The following CDH23 variants were observed in gnomAD, a reference collection of about 807,000 sequenced individuals.
CDH23 encodes the protein cadherin related 23.
CDH23 carries 189 observed loss-of-function variants against 317.1 expected under a neutral mutation model. The observed-to-expected ratio is 0.60, with a 90% confidence interval of 0.53 to 0.67. CDH23 has a LOEUF of 0.67. CDH23 is among the 30% of genes least tolerant of loss of function. The probability of loss-of-function intolerance (pLI) is 0.00; values close to 1 mark genes in which losing one functional copy is unlikely to be tolerated. For missense variants in CDH23, 4,401 were observed against 4,592.4 expected, an observed-to-expected ratio of 0.96 and a Z score of 1.20; for synonymous variants, 1,839 against 1,876.8, an observed-to-expected ratio of 0.98 and a Z score of 0.52.
chr10:71,467,855 G>T (rs1851328001), intron 3 of CDH23, among the ~76,000 whole-genome samples: 2 of 152,160 alleles, frequency 1.3e-5, no homozygotes, highest in African/African-American at 4.8e-5. Flanking sequence ...TTAAGGCAAA[G>T]CTAGAATGAG....
intron 38 of CDH23, among the ~76,000 whole-genome samples, chr10:71,765,436 G>A (rs1840512293): frequency 6.6e-6 from 1 of 152,224 alleles, no homozygotes; most frequent in South Asian, 2.1e-4. Flanking sequence ...GGTGGGGTTG[G>A]GGGCCCTCAA....
intron 3 of CDH23, among the ~76,000 whole-genome samples, chr10:71,486,718 C>G (rs998755938): frequency 6.6e-6 from 1 of 152,162 alleles, no homozygotes; most frequent in Non-Finnish European, 1.5e-5. Flanking sequence ...CAAACTCCAG[C>G]GCTGTACTCT....
At chr10:71,500,957 C>A (rs1853296901) in intron 3 of CDH23, among the ~76,000 whole-genome samples, 1 of 151,946 alleles carries the variant, frequency 6.6e-6, no homozygotes, top group African/African-American at 2.4e-5. Flanking sequence ...GTGACCTCTG[C>A]CTCCTGGGCT....
chr10:71,798,550 G>T lies in CDH23; in HGVS notation c.7026G>T (p.Gly2342=), dbSNP rs746329116. 2.5e-6 allele frequency: 4 copies of T among 1,612,656 alleles called. No individual in the cohort carries two copies. The highest frequency in any genetic ancestry group is 1.3e-5 in the African/African-American group (1 of 74,906). The change falls in exon 50 of 70, where the codon GGG becomes GGT. Residue 2342 remains glycine, a synonymous_variant. Coordinates refer to ENST00000224721, the MANE Select transcript of CDH23 (RefSeq NM_022124.6). ...TYTLLDLVPP[G]YVQLEDSSAG... ...CCCTGCTGGACCTGGTGCCCCCAGG[G>T]TATGTCCAGCTGGAGGACTCCTCGG...
chr10:71,441,604 C>T (rs1035225241), intron 2 of CDH23, among the ~76,000 whole-genome samples: 6 of 151,978 alleles, frequency 3.9e-5, no homozygotes, highest in African/African-American at 9.7e-5. Context: ...CACTTGTAGT[C>T]GCAGCTACTT....
chr10:71,785,856 G>T (rs903190044), intron 44 of CDH23, 118 bp downstream of exon 44: 35 of 720,576 alleles, frequency 4.9e-5, no homozygotes, highest in Admixed American at 4.3e-4. Flanking sequence ...TTTGGAGTGA[G>T]CACGTGCTGG....
At chr10:71,656,996 A>C (rs1665686) in intron 14 of CDH23, among the ~76,000 whole-genome samples, 124,541 of 152,158 alleles carry the variant, frequency 0.82, 51,428 homozygotes, top group African/African-American at 0.9. Context: ...AAGGATGAGT[A>C]TCCAACCACG....
chr10:71,662,958 GGCCT>G (rs1863740568), intron 14 of CDH23, among the ~76,000 whole-genome samples: 1 of 152,148 alleles, frequency 6.6e-6, no homozygotes, highest in Non-Finnish European at 1.5e-5. Flanking sequence ...AGGCGTTCAG[GGCCT>G]GTGGCTGCAG....
At chr10:71,801,603 G>A (rs1263941818) in intron 53 of CDH23, among the ~76,000 whole-genome samples, 1 of 152,106 alleles carries the variant, frequency 6.6e-6, no homozygotes, top group Non-Finnish European at 1.5e-5. Context: ...TCAAGGTTTT[G>A]CTTCCTCTTT....
intron 38 of CDH23, among the ~76,000 whole-genome samples, chr10:71,770,082 C>G (rs1405544875): frequency 2.6e-5 from 4 of 152,224 alleles, no homozygotes; most frequent in Admixed American, 2.0e-4. Context: ...TTTGGAGAAT[C>G]TAGTCCCAGT....
chr10:71,802,993 C>T lies in CDH23; in HGVS notation c.7578C>T (p.Thr2526=). 1 of 1,614,048 alleles carries T rather than the reference C, an allele frequency of 6.2e-7. No homozygotes were observed. The highest frequency in any genetic ancestry group is 8.5e-7 in the Non-Finnish European group (1 of 1,179,906). Residue 2526 remains threonine (T), a synonymous_variant, in exon 54 of 70, where the codon ACC becomes ACT. Coordinates refer to ENST00000224721, the MANE Select transcript of CDH23 (RefSeq NM_022124.6). ...TSVYENEPAG[T]SVITMMATDQ... ...TGTATGAGAATGAGCCGGCGGGCACCTCGGTCATCACCATGATGGCCACTG... is the reference window on the plus strand; with the variant it reads ...TGTATGAGAATGAGCCGGCGGGCACTTCGGTCATCACCATGATGGCCACTG...
chr10:71,697,159 G>A (rs61852039), intron 22 of CDH23, among the ~76,000 whole-genome samples: 29,643 of 152,238 alleles, frequency 0.19, 3,135 homozygotes, highest in South Asian at 0.35. Flanking sequence ...TGTGCCAGGT[G>A]AGGACTGCAC....
At chr10:71,683,859 G>A (rs1213933935) in intron 18 of CDH23, among the ~76,000 whole-genome samples, 6 of 152,016 alleles carry the variant, frequency 3.9e-5, no homozygotes, top group African/African-American at 1.4e-4. Flanking sequence ...GAGGCAGGTG[G>A]ATCACGAGGT....
At chr10:71,690,668 C>T (rs1865156790) in intron 20 of CDH23, 84 bp downstream of exon 20, 2 of 885,972 alleles carry the variant, frequency 2.3e-6, no homozygotes, top group Non-Finnish European at 3.7e-6. Flanking sequence ...AGCCTCTGGG[C>T]CCAGGTCCCC....
intron 6 of CDH23, among the ~76,000 whole-genome samples, chr10:71,515,394 T>TCACACACACA (rs377079980): frequency 7.5e-5 from 2 of 26,624 alleles, no homozygotes; most frequent in African/African-American, 1.7e-4. Context: ...TCTCTCTCTC[T>TCACACACACA]CACACACACA....
chr10:71,686,092 G>A (rs1037539769), intron 18 of CDH23, among the ~76,000 whole-genome samples: 5 of 151,988 alleles, frequency 3.3e-5, no homozygotes, highest in African/African-American at 9.7e-5. Flanking sequence ...AGTCAAACTC[G>A]GTTTGTAGAT....
intron 1 of CDH23, among the ~76,000 whole-genome samples, chr10:71,432,381 G>A (rs999908843): frequency 7.2e-6 from 1 of 138,416 alleles, no homozygotes; most frequent in African/African-American, 3.0e-5. Context: ...GTTTGAGAGT[G>A]TGTGAGTTGT....
chr10:71,658,542 C>A (rs1436999643), intron 14 of CDH23, among the ~76,000 whole-genome samples: 2 of 152,368 alleles, frequency 1.3e-5, no homozygotes, highest in South Asian at 4.1e-4. Context: ...CTTGACCGAG[C>A]AGCTCTGTCT....
chr10:71,755,195 C>T (rs113616572), intron 38 of CDH23: 24 of 742,842 alleles, frequency 3.2e-5, no homozygotes, highest in African/African-American at 7.0e-5. Context: ...TCCTTTCTCT[C>T]GGCCATTTCG....
Sources: allele counts gnomAD v4.1 joint callset (sites outside exome capture counted in the v4.1 genomes callset), GRCh38; gene constraint gnomAD v4.1.1; transcripts MANE v1.5; gene names NCBI Gene and HGNC (gene_info 2026-07-23, HGNC 2026-07-21).